The following POLA1 variants were observed in gnomAD, a reference collection of about 807,000 sequenced individuals.
The protein encoded by POLA1 is DNA polymerase alpha 1, catalytic subunit.
A neutral mutation model predicts 124.0 loss-of-function variants in POLA1; 15 were observed. That is an observed-to-expected ratio of 0.12 (90% confidence interval 0.08 to 0.19). The LOEUF is 0.19. POLA1 is among the 10% of genes least tolerant of loss of function. POLA1 has a pLI of 1.00. For missense variants in POLA1, 886 were observed against 1,103.4 expected (o/e 0.80, Z 2.79); for synonymous variants, 408 against 389.4 (o/e 1.05, Z -0.56).
chrX:24,835,344 G>A (rs191090854), intron 32 of POLA1, among the ~76,000 whole-genome samples: 1 of 110,901 alleles, frequency 9.0e-6, no homozygotes, highest in Non-Finnish European at 1.9e-5. Context: ...GAGTCAGTGC[G>A]CCCGGCCCAT....
chrX:24,714,556 A>G lies in POLA1; in HGVS notation c.349A>G (p.Lys117Glu). The change falls in exon 5 of 37, where the codon AAA becomes GAA. Residue 117 changes from lysine to glutamate, a missense_variant and splice_region_variant. Physicochemically the swap from Lys to Glu is moderately conservative, Grantham distance 56. Around this residue, in one of 7 missense-constraint regions of POLA1, gnomAD observed 337 missense variants for 402.8 expected, o/e 0.84. Coordinates refer to ENST00000379068, the MANE Select transcript of POLA1 (RefSeq NM_001330360.2). ...DDALDADEKG[K>E]DGKARNKDKR... Reference sequence around the variant, plus strand: ...CTAAATAATTCATATTCCAATAGGAAAAGATGGTAAAGCACGCAATAAAGA... The same window carrying G: ...CTAAATAATTCATATTCCAATAGGAGAAGATGGTAAAGCACGCAATAAAGA... The G allele has an allele frequency of 8.7e-7, 1 of 1,149,192 alleles. No individual in the cohort carries two copies. Among genetic ancestry groups the G allele is most frequent in the Non-Finnish European group, 1.2e-6 (1 of 848,378 alleles). The allele number at this position is 1,149,192 out of a possible 1,213,427, so 94.7% of individuals were successfully genotyped here. A position where few individuals can be genotyped will look rare whatever the true frequency, so the allele number is the denominator to read the frequency against.
chrX:24,756,407 CA>C (rs993335746), intron 26 of POLA1, among the ~76,000 whole-genome samples: 1 of 109,320 alleles, frequency 9.1e-6, no homozygotes, highest in African/African-American at 3.3e-5. Context: ...GCTAAAAATA[CA>C]AAAAATTAGC....
At chrX:24,874,833 C>T (rs1325079266) in intron 34 of POLA1, among the ~76,000 whole-genome samples, 3 of 111,453 alleles carry the variant, frequency 2.7e-5, no homozygotes, top group Non-Finnish European at 5.6e-5. Context: ...TGTAACGCTG[C>T]CCTGGTGATT....
At chrX:24,792,068 A>T (rs760012275) in intron 26 of POLA1, among the ~76,000 whole-genome samples, 1 of 112,655 alleles carries the variant, frequency 8.9e-6, no homozygotes, top group South Asian at 3.7e-4. Flanking sequence ...TATAACAGAA[A>T]ATATCAAAGC....
intron 26 of POLA1, among the ~76,000 whole-genome samples, chrX:24,758,598 A>G (rs1406344155): frequency 1.8e-5 from 2 of 112,613 alleles, no homozygotes; most frequent in Non-Finnish European, 3.8e-5. Context: ...CTGTGAGTGT[A>G]AGAGAAGAAA....
rs757317865 is a variant in POLA1 at position 24,741,410 on chromosome X, C to T, written c.2252C>T (p.Thr751Ile). The change falls in exon 21 of 37, where the codon ACC becomes ATC. Residue 751 changes from threonine (T) to isoleucine (I), a missense_variant. By Grantham distance (89) the Thr-to-Ile change is moderately conservative (BLOSUM62 -1). Coordinates refer to ENST00000379068, the MANE Select transcript of POLA1 (RefSeq NM_001330360.2). Reference protein sequence around the residue: ...SSQLLYLLEHTWKDAKFILQI... With the variant: ...SSQLLYLLEHIWKDAKFILQI... The stretch of plus-strand genomic sequence containing the variant: ...CAACTGTTATACCTGTTGGAACACA[C>T]CTGGAAAGATGCCAAGTTCATTTTG... 44 of 1,193,579 alleles carry T rather than the reference C, an allele frequency of 3.7e-5. No homozygotes were observed. Among genetic ancestry groups the T allele is most frequent in the South Asian group, 1.8e-5 (1 of 56,238 alleles).
chrX:24,919,808 GTTTTTT>G, intron 35 of POLA1, among the ~76,000 whole-genome samples: 1 of 20,257 alleles, frequency 4.9e-5, no homozygotes, highest in South Asian at 2.4e-3. Flanking sequence ...TTTTTTTTTT[GTTTTTT>G]TTTTTGTTTT....
chrX:24,735,143 A>G (rs1223525048), intron 17 of POLA1, among the ~76,000 whole-genome samples: 3 of 112,035 alleles, frequency 2.7e-5, no homozygotes. Context: ...GTGGAGGGAC[A>G]TTTCTATATT....
At chrX:24,887,793 CT>C (rs397959883) in intron 34 of POLA1, among the ~76,000 whole-genome samples, 324 of 92,814 alleles carry the variant, frequency 3.5e-3, no homozygotes, top group Middle Eastern at 5.7e-3. Context: ...ATGTGATTTT[CT>C]TTTTTTTTTT....
At chrX:24,949,053 C>G (rs2048001198) in intron 36 of POLA1, among the ~76,000 whole-genome samples, 1 of 111,457 alleles carries the variant, frequency 9.0e-6, no homozygotes, top group African/African-American at 3.3e-5. Context: ...ATAAGTAATA[C>G]TGTGACTCTT....
intron 36 of POLA1, among the ~76,000 whole-genome samples, chrX:24,954,024 G>C (rs1423443892): frequency 9.0e-6 from 1 of 111,470 alleles, no homozygotes; most frequent in African/African-American, 3.3e-5. Flanking sequence ...GTAGGGATGG[G>C]GATAAAGAAA....
chrX:24,958,812 G>T (rs1333579903), intron 36 of POLA1, among the ~76,000 whole-genome samples: 1 of 111,379 alleles, frequency 9.0e-6, no homozygotes, highest in Non-Finnish European at 1.9e-5. Flanking sequence ...GAAAACATTG[G>T]TTTATCGAGT....
At chrX:24,900,117 T>G (rs1445264564) in intron 35 of POLA1, among the ~76,000 whole-genome samples, 1 of 111,445 alleles carries the variant, frequency 9.0e-6, no homozygotes, top group Admixed American at 9.6e-5. Flanking sequence ...AATATGTGGG[T>G]TTTTTACGTT....
chrX:24,863,264 C>CA (rs1278340208), intron 34 of POLA1, among the ~76,000 whole-genome samples: 3 of 107,796 alleles, frequency 2.8e-5, no homozygotes, highest in African/African-American at 1.0e-4. Flanking sequence ...GTATGCCCCC[C>CA]CCCATCTTCC....
intron 32 of POLA1, among the ~76,000 whole-genome samples, chrX:24,837,226 AATGTTCCCTCGTGCCTCTTCCCAGTCAGC>A (rs2046352192): frequency 8.9e-6 from 1 of 112,075 alleles, no homozygotes; most frequent in African/African-American, 3.2e-5. Flanking sequence ...ATCACTCCAG[AATGTTCCCTCGTGCCTCTTCCCAGTCAGC>A]ACCTCTGTTA....
intron 34 of POLA1, among the ~76,000 whole-genome samples, chrX:24,846,157 TGTTTAA>T (rs1210631959): frequency 4.5e-5 from 5 of 112,192 alleles, no homozygotes; most frequent in African/African-American, 9.7e-5. Flanking sequence ...AACAAATATT[TGTTTAA>T]GTTTATCTGA....
chrX:24,776,884 A>C (rs1044398620), intron 26 of POLA1, among the ~76,000 whole-genome samples: 1 of 112,319 alleles, frequency 8.9e-6, no homozygotes, highest in Non-Finnish European at 1.9e-5. Context: ...AGACAAGCTG[A>C]AACTGTATTT....
chrX:24,982,064 G>A lies in POLA1; in HGVS notation c.4262-13741G>A, dbSNP rs762873201. On this transcript the variant is annotated intron_variant, in intron 36 of 36. Transcript: ENST00000379068. ...GGTTGGAGTGGGTTCCCCCTTCTCA[G>A]GTCCCTTTTTTTTTTCCCTCAAGGC... Among the ~76,000 whole-genome samples, 4 of 107,536 alleles carry A rather than the reference G, an allele frequency of 3.7e-5. 1 individual carries two copies. In the East Asian group the frequency reaches 1.3e-3, roughly 34 times the overall value. The allele number at this position is 107,536 out of a possible 115,157, so 93.4% of individuals were successfully genotyped here.
At chrX:24,742,591 G>A (rs1931737192) in intron 22 of POLA1, among the ~76,000 whole-genome samples, 4 of 112,314 alleles carry the variant, frequency 3.6e-5, no homozygotes, top group African/African-American at 1.3e-4. Context: ...TGTTTTATTA[G>A]CACTGATATT....
Sources: allele counts gnomAD v4.1 joint callset (sites outside exome capture counted in the v4.1 genomes callset), GRCh38; gene constraint gnomAD v4.1.1; regional missense constraint gnomAD v4.1.1; transcripts MANE v1.5; gene names NCBI Gene and HGNC (gene_info 2026-07-23, HGNC 2026-07-21).